The following SPESP1 variants were observed in gnomAD, a reference collection of about 807,000 sequenced individuals.
SPESP1 encodes equatorial segment protein.
SPESP1 carries 1 observed loss-of-function variant against 3.1 expected under a neutral mutation model. The ratio of observed to expected loss-of-function variants is 0.33; its 90% confidence interval spans 0.12 to 1.54. The LOEUF is 1.54. Ranked by LOEUF, SPESP1 falls within the 40% of genes most tolerant of loss-of-function variation. The probability of loss-of-function intolerance (pLI) is 0.38; values close to 1 mark genes in which losing one functional copy is unlikely to be tolerated. For missense variants in SPESP1, 398 were observed against 410.1 expected, an observed-to-expected ratio of 0.97 and a Z score of 0.26; for synonymous variants, 138 against 150.7, an observed-to-expected ratio of 0.92 and a Z score of 0.62.
intron 1 of SPESP1, among the ~76,000 whole-genome samples, chr15:68,937,388 T>C (rs1395342900): frequency 2.0e-5 from 3 of 152,192 alleles, no homozygotes; most frequent in African/African-American, 4.8e-5. Flanking sequence ...CAAATACAGT[T>C]AGAACTGTCT....
At chr15:68,940,524 C>T (rs1895791915) in intron 1 of SPESP1, among the ~76,000 whole-genome samples, 1 of 152,058 alleles carries the variant, frequency 6.6e-6, no homozygotes, top group Non-Finnish European at 1.5e-5. Flanking sequence ...ATACATGTAA[C>T]TTATTGATAT....
At chr15:68,935,537 A>G (rs540739528) in intron 1 of SPESP1, among the ~76,000 whole-genome samples, 2 of 152,334 alleles carry the variant, frequency 1.3e-5, no homozygotes, top group African/African-American at 4.8e-5. Context: ...AAGCCCCAAC[A>G]TGGATGCTCT....
chr15:68,940,888 T>A (rs1895805525), intron 1 of SPESP1, among the ~76,000 whole-genome samples: 1 of 152,012 alleles, frequency 6.6e-6, no homozygotes, highest in South Asian at 2.1e-4. Context: ...TGATCATATT[T>A]TAATTATAAA....
At chr15:68,937,098 CAG>C (rs1233436453) in intron 1 of SPESP1, among the ~76,000 whole-genome samples, 2 of 152,142 alleles carry the variant, frequency 1.3e-5, no homozygotes, top group Non-Finnish European at 1.5e-5. Flanking sequence ...TTTAGACTAA[CAG>C]ATTTATTTTT....
In SPESP1 at chr15:68,946,155, G is replaced by T; in HGVS notation, c.621G>T (p.Ala207=). The T allele has an allele frequency of 6.2e-7, 1 of 1,614,110 alleles. No homozygotes were observed. The highest frequency in any genetic ancestry group is 8.5e-7 in the Non-Finnish European group (1 of 1,180,016). Residue 207 remains alanine (A), a synonymous_variant, in exon 2 of 2, where the codon GCG becomes GCT. Coordinates refer to ENST00000310673, the MANE Select transcript of SPESP1 (RefSeq NM_145658.4). ...TTCCTCAGCTCTCAGGTGAAACTGCGATAGAAAAACCCGAAGAGTTTGGAA... is the reference window on the plus strand; with the variant it reads ...TTCCTCAGCTCTCAGGTGAAACTGCTATAGAAAAACCCGAAGAGTTTGGAA... ...EDVPQLSGET[A]IEKPEEFGKH...
chr15:68,938,240 T>C (rs2140422294), intron 1 of SPESP1, among the ~76,000 whole-genome samples: 1 of 152,338 alleles, frequency 6.6e-6, no homozygotes, highest in South Asian at 2.1e-4. Flanking sequence ...AGTGCTGAGA[T>C]TACAGGCGTG....
At position 68,945,903 on chromosome 15, in the gene SPESP1, G is replaced by A. The variant is rs780277708; in HGVS notation, c.369G>A (p.Ser123=). The change falls in exon 2 of 2, where the codon TCG becomes TCA. Residue 123 remains serine (S), a synonymous_variant. Coordinates refer to ENST00000310673, the MANE Select transcript of SPESP1 (RefSeq NM_145658.4). ...KKHTESTPFW[S]IKPNNVSIVL... ...ACACGGAAAGTACCCCATTCTGGTC[G>A]ATCAAACCAAACAATGTTTCCATTG... 2.4e-5 allele frequency: 39 copies of A among 1,613,896 alleles called. No individual in the cohort carries two copies. The African/African-American group carries it at 4.1e-4, about 17-fold the overall frequency.
chr15:68,944,820 T>C (rs983036388), intron 1 of SPESP1, among the ~76,000 whole-genome samples: 5 of 152,156 alleles, frequency 3.3e-5, no homozygotes, highest in Admixed American at 2.0e-4. Flanking sequence ...AGTCACAGAC[T>C]ATAGTTAGAT....
In SPESP1 at chr15:68,945,581, T is replaced by C. The variant is rs1333547419; in HGVS notation, c.65-18T>C. 4 of 1,518,272 alleles carry C rather than the reference T, an allele frequency of 2.6e-6. No homozygotes were observed. The highest frequency in any genetic ancestry group is 3.5e-6 in the Non-Finnish European group (4 of 1,139,560). The allele number at this position is 1,518,272 out of a possible 1,614,324, so 94.1% of individuals were successfully genotyped here. A position where few individuals can be genotyped will look rare whatever the true frequency, so the allele number is the denominator to read the frequency against. ...ATAATAAATGTTACTTATTATTTAT[T>C]TGATTTTTTCCCTGAAGGCATAACT... On this transcript the variant is annotated intron_variant, in intron 1 of 1. Transcript: ENST00000310673.
At chr15:68,937,538 G>A (rs1895714098) in intron 1 of SPESP1, among the ~76,000 whole-genome samples, 1 of 151,626 alleles carries the variant, frequency 6.6e-6, no homozygotes, top group East Asian at 1.9e-4. Context: ...TGTAGAACGT[G>A]CAGTTTCTTA....
At chr15:68,940,257 T>G (rs905935821) in intron 1 of SPESP1, among the ~76,000 whole-genome samples, 2 of 152,124 alleles carry the variant, frequency 1.3e-5, no homozygotes, top group Non-Finnish European at 2.9e-5. Flanking sequence ...CCCACATTCC[T>G]TTTCCTCTCA....
chr15:68,931,355 C>G (rs894433727), intron 1 of SPESP1, among the ~76,000 whole-genome samples: 2 of 151,574 alleles, frequency 1.3e-5, no homozygotes, highest in African/African-American at 4.9e-5. Flanking sequence ...TTTCATTGTT[C>G]GTGAATAAAG....
Position 68,930,551 on chromosome 15 carries a change from C to T in SPESP1, c.-103C>T, listed in dbSNP as rs905473701. The stretch of plus-strand genomic sequence containing the variant: ...TTGCTGGGTGTCCCAGGGCCTGAGG[C>T]AGGACGGTACTCCGCTGACACCTTC... On this transcript the variant is annotated 5_prime_UTR_variant, in exon 1 of 2. Transcript: ENST00000310673. The T allele has an allele frequency of 6.7e-7, 1 of 1,495,462 alleles. No individual in the cohort carries two copies. The highest frequency in any genetic ancestry group is 2.3e-5 in the East Asian group (1 of 43,392). 92.6% of individuals were successfully genotyped at this position (1,495,462 alleles called of 1,614,324 possible).
intron 1 of SPESP1, among the ~76,000 whole-genome samples, chr15:68,941,375 A>C (rs1273557066): frequency 6.6e-6 from 1 of 152,192 alleles, no homozygotes; most frequent in East Asian, 1.9e-4. Context: ...CACAAACTTG[A>C]TGGTTTAAAA....
intron 1 of SPESP1, 88 bp from the exon 2 acceptor site, chr15:68,945,511 T>C (rs563782718): frequency 7.5e-6 from 8 of 1,059,820 alleles, no homozygotes; most frequent in Non-Finnish European, 1.0e-5. Flanking sequence ...TGATAGCATA[T>C]GAAATAAATT....
intron 1 of SPESP1, among the ~76,000 whole-genome samples, chr15:68,934,977 G>A (rs1163201903): frequency 1.3e-5 from 2 of 151,934 alleles, no homozygotes; most frequent in African/African-American, 2.4e-5. Context: ...AGCCCACTTT[G>A]TGTCTTTCCC....
intron 1 of SPESP1, among the ~76,000 whole-genome samples, chr15:68,938,037 A>G (rs1243986870): frequency 6.6e-6 from 1 of 151,938 alleles, no homozygotes; most frequent in Non-Finnish European, 1.5e-5. Flanking sequence ...CTGGAGTGCA[A>G]TGGCACAACC....
intron 1 of SPESP1, among the ~76,000 whole-genome samples, chr15:68,939,068 T>G (rs1895753216): frequency 6.6e-6 from 1 of 152,218 alleles, no homozygotes; most frequent in Non-Finnish European, 1.5e-5. Flanking sequence ...CTGTACTATT[T>G]CAAGAAGAGA....
At position 68,937,668 on chromosome 15, in the gene SPESP1, A is replaced by G. The variant is rs1482395937; in HGVS notation, c.64+6951A>G. ...GTGTGTTCTCCAGGGGCTGGGGTAT[A>G]GGGGATATGGGAAATGGGTTTTATT... On this transcript the variant is annotated intron_variant, in intron 1 of 1. Transcript: ENST00000310673. Among the ~76,000 whole-genome samples, 4 of 152,062 alleles carry G rather than the reference A, an allele frequency of 2.6e-5. No individual in the cohort carries two copies. In the East Asian group the frequency reaches 5.8e-4, roughly 22 times the overall value.
Sources: gnomAD v4.1 joint callset for allele counts (sites outside exome capture counted in the v4.1 genomes callset) on GRCh38, gnomAD v4.1.1 for gene constraint, MANE v1.5 for transcripts, NCBI Gene and HGNC (gene_info 2026-07-23, HGNC 2026-07-21) for gene names.